The following PAK2 variants were observed in gnomAD, a reference collection of about 807,000 sequenced individuals.
PAK2 encodes p21 (RAC1) activated kinase 2, also known as serine/threonine-protein kinase PAK 2.
A neutral mutation model predicts 65.9 loss-of-function variants in PAK2; 21 were observed. That is an observed-to-expected ratio of 0.32 (90% CI 0.23 to 0.46). The LOEUF is 0.46. Among genes scored for constraint, PAK2 ranks in the 20% least tolerant of loss-of-function variants. The probability of loss-of-function intolerance (pLI) is 1.00; values close to 1 mark genes in which losing one functional copy is unlikely to be tolerated. For missense variants in PAK2, 324 were observed against 642.6 expected, an observed-to-expected ratio of 0.50 and a Z score of 5.36; for synonymous variants, 204 against 219.7, an observed-to-expected ratio of 0.93 and a Z score of 0.63.
intron 1 of PAK2, among the ~76,000 whole-genome samples, chr3:196,748,084 A>G (rs1218630000): frequency 6.6e-6 from 1 of 152,152 alleles, no homozygotes; most frequent in Non-Finnish European, 1.5e-5. Context: ...AGAGCTTTGA[A>G]CAAATAGGTA....
intron 7 of PAK2, among the ~76,000 whole-genome samples, chr3:196,808,734 G>A (rs1048937068): frequency 6.6e-6 from 1 of 151,360 alleles, no homozygotes; most frequent in African/African-American, 2.4e-5. Context: ...CATGGCAGGT[G>A]CCTGTAATCC....
chr3:196,828,310 T>G lies in PAK2; in HGVS notation c.1489-9T>G, dbSNP rs1711952184. 25 of 1,563,858 alleles carry G rather than the reference T, an allele frequency of 1.6e-5. No individual in the cohort carries two copies. The highest frequency in any genetic ancestry group is 2.1e-5 in the Non-Finnish European group (24 of 1,139,300). On this transcript the variant is annotated splice_polypyrimidine_tract_variant and intron_variant, in intron 14 of 14. Coordinates refer to ENST00000327134, the MANE Select transcript of PAK2 (RefSeq NM_002577.4). ...CTTATACATTTATTTTTCCCCTTCT[T>G]TCTGGCAGCATCCTTTCCTGAAACT...
At chr3:196,749,571 G>A (rs984688489) in intron 1 of PAK2, among the ~76,000 whole-genome samples, 1 of 152,164 alleles carries the variant, frequency 6.6e-6, no homozygotes, top group Admixed American at 6.5e-5. Context: ...GTGCTCATGT[G>A]TAGGTTTTCG....
At chr3:196,777,423 C>T (rs930279536) in intron 1 of PAK2, among the ~76,000 whole-genome samples, 5 of 152,122 alleles carry the variant, frequency 3.3e-5, no homozygotes, top group Admixed American at 6.6e-5. Context: ...AGGCTGGTCT[C>T]GAACTCCTGA....
At chr3:196,771,827 G>A (rs946779009) in intron 1 of PAK2, among the ~76,000 whole-genome samples, 2 of 152,114 alleles carry the variant, frequency 1.3e-5, no homozygotes, top group African/African-American at 4.8e-5. Flanking sequence ...CAAAGTGCTG[G>A]GATTACAGGC....
chr3:196,795,009 CA>C (rs1285132715), intron 2 of PAK2, among the ~76,000 whole-genome samples: 5 of 152,128 alleles, frequency 3.3e-5, no homozygotes, highest in African/African-American at 1.2e-4. Context: ...CAATAAAAAC[CA>C]GACTAAATAT....
intron 7 of PAK2, among the ~76,000 whole-genome samples, chr3:196,809,789 C>T (rs1715714888): frequency 6.6e-6 from 1 of 151,774 alleles, no homozygotes; most frequent in African/African-American, 2.4e-5. Flanking sequence ...TGCTTGTTGA[C>T]TTGAGGTTGG....
intron 2 of PAK2, 65 bp from the exon 3 acceptor site, chr3:196,801,862 T>C: frequency 1.3e-6 from 1 of 796,810 alleles, no homozygotes; most frequent in South Asian, 1.5e-5. Context: ...AATAAAATTA[T>C]AAGTGCCTTT....
chr3:196,749,989 CTTTTT>C (rs199605682), intron 1 of PAK2, among the ~76,000 whole-genome samples: 4 of 141,384 alleles, frequency 2.8e-5, no homozygotes, highest in South Asian at 2.2e-4. Flanking sequence ...CTGGCTATTT[CTTTTT>C]TTTTTTTTTG....
intron 1 of PAK2, among the ~76,000 whole-genome samples, chr3:196,746,803 T>C (rs1329604110): frequency 1.5e-5 from 2 of 130,638 alleles, no homozygotes; most frequent in African/African-American, 6.1e-5. Flanking sequence ...AAAGTGAAAC[T>C]CTGTCTCATT....
At position 196,829,817 on chromosome 3, in the gene PAK2, G is replaced by A. The variant is rs1219149423; in HGVS notation, c.*1412G>A. ...GAAAGGAAAATGAAATGTGCGTGTT[G>A]ATAGCAATAATTTGTTTCTTTTAAA... On this transcript the variant is annotated 3_prime_UTR_variant, in exon 15 of 15. Coordinates refer to ENST00000327134, the MANE Select transcript of PAK2 (RefSeq NM_002577.4). The A allele has an allele frequency of 1.3e-5, 2 of 152,204 alleles. No homozygotes were observed. The highest frequency in any genetic ancestry group is 6.5e-5 in the Admixed American group (1 of 15,268). The allele number at this position is 152,204 out of a possible 1,614,324, so 9.4% of individuals were successfully genotyped here.
chr3:196,823,967 C>T (rs574814906), intron 13 of PAK2, among the ~76,000 whole-genome samples: 11 of 152,168 alleles, frequency 7.2e-5, no homozygotes, highest in Non-Finnish European at 1.0e-4. Context: ...TTGACCTTCA[C>T]GTGTATCAGA....
At chr3:196,796,679 G>C (rs1715269673) in intron 2 of PAK2, among the ~76,000 whole-genome samples, 1 of 152,022 alleles carries the variant, frequency 6.6e-6, no homozygotes, top group Non-Finnish European at 1.5e-5. Context: ...GATAAAAACA[G>C]ACCTACCTAC....
intron 7 of PAK2, among the ~76,000 whole-genome samples, chr3:196,809,221 C>G (rs1715693191): frequency 6.6e-6 from 1 of 151,658 alleles, no homozygotes; most frequent in Non-Finnish European, 1.5e-5. Flanking sequence ...GCACTCCAGC[C>G]TGGGTGACAG....
chr3:196,808,250 G>A (rs1302042075), intron 7 of PAK2, among the ~76,000 whole-genome samples: 1 of 152,038 alleles, frequency 6.6e-6, no homozygotes, highest in Non-Finnish European at 1.5e-5. Flanking sequence ...CCAGGAGGTG[G>A]AGGTTGCAGT....
At chr3:196,782,578 T>C (rs865899235) in intron 1 of PAK2, 48 bp from the exon 2 acceptor site, 11 of 867,970 alleles carry the variant, frequency 1.3e-5, no homozygotes, top group Middle Eastern at 6.9e-4. Context: ...TTTTGCTTGT[T>C]CGTGCTATTT....
At position 196,782,664 on chromosome 3, in the gene PAK2, A is replaced by G; in HGVS notation, c.18A>G (p.Glu6=). 1 of 1,595,634 alleles carries G rather than the reference A, an allele frequency of 6.3e-7. No individual in the cohort carries two copies. Among genetic ancestry groups the G allele is most frequent in the Non-Finnish European group, 8.5e-7 (1 of 1,170,228 alleles). Residue 6 remains glutamate (E), a synonymous_variant, in exon 2 of 15, where the codon GAA becomes GAG. Coordinates refer to ENST00000327134, the MANE Select transcript of PAK2 (RefSeq NM_002577.4). MSDNG[E]LEDKPPAPPV... ...TCTGAATCATGTCTGATAACGGAGAACTGGAAGATAAGCCTCCAGCACCTC... is the reference window on the plus strand; with the variant it reads ...TCTGAATCATGTCTGATAACGGAGAGCTGGAAGATAAGCCTCCAGCACCTC...
In PAK2 at chr3:196,749,801, A is replaced by G. The variant is rs187289896; in HGVS notation, c.-22+9644A>G. ...CATTGTTTTGGATTTTACCCATTCCAATAGGTAGTAGTGTTTCATTGTTTT... is the reference window on the plus strand; with the variant it reads ...CATTGTTTTGGATTTTACCCATTCCGATAGGTAGTAGTGTTTCATTGTTTT... On this transcript the variant is annotated intron_variant, in intron 1 of 14. Transcript: ENST00000327134. Among the ~76,000 whole-genome samples, 837 of 150,338 alleles carry G rather than the reference A, an allele frequency of 5.6e-3. 2 individuals carry two copies. Among genetic ancestry groups the G allele is most frequent in the African/African-American group, 0.019 (793 of 40,942 alleles).
intron 4 of PAK2, 89 bp downstream of exon 4, chr3:196,803,253 A>G (rs1334172328): frequency 3.8e-6 from 4 of 1,052,832 alleles, no homozygotes; most frequent in Non-Finnish European, 5.5e-6. Flanking sequence ...GAAAAGCTAA[A>G]CTATGGTTCT....
Sources: gnomAD v4.1 joint callset for allele counts (sites outside exome capture counted in the v4.1 genomes callset) on GRCh38, gnomAD v4.1.1 for gene constraint, MANE v1.5 for transcripts, NCBI Gene and HGNC (gene_info 2026-07-23, HGNC 2026-07-21) for gene names.